JARID2: variants seen among roughly 807,000 people sequenced by gnomAD.
JARID2 encodes jumonji and AT-rich interaction domain containing 2.
A neutral mutation model predicts 125.6 loss-of-function variants in JARID2; 21 were observed. The ratio of observed to expected loss-of-function variants is 0.17; its 90% CI spans 0.12 to 0.24. The LOEUF (loss-of-function observed/expected upper bound fraction) is 0.24. Ranked by LOEUF, JARID2 falls within the 10% of genes least tolerant of loss-of-function variation. The pLI, the probability that JARID2 is intolerant of heterozygous loss-of-function variation, is 1.00. For missense variants in JARID2, 1,303 were observed against 1,639.6 expected (o/e 0.79, Z 3.55); for synonymous variants, 736 against 661.6 (o/e 1.11, Z -1.73).
intron 5 of JARID2, among the ~76,000 whole-genome samples, chr6:15,477,622 G>A (rs1165622418): frequency 6.6e-6 from 1 of 151,894 alleles, no homozygotes; most frequent in East Asian, 1.9e-4. Flanking sequence ...AGGCCGTTGG[G>A]TAGGATGGTT....
intron 1 of JARID2, among the ~76,000 whole-genome samples, chr6:15,336,560 CA>C (rs1436069049): frequency 6.6e-6 from 1 of 151,826 alleles, no homozygotes; most frequent in Non-Finnish European, 1.5e-5. Context: ...GAATGTTCCC[CA>C]ATGTTGAACA....
chr6:15,481,389 TTC>T (rs1237765114), intron 5 of JARID2, among the ~76,000 whole-genome samples: 3 of 152,222 alleles, frequency 2.0e-5, no homozygotes, highest in Non-Finnish European at 4.4e-5. Context: ...TGTGGAGGAC[TTC>T]TATACATTGA....
chr6:15,406,778 A>G (rs762330850), intron 2 of JARID2, among the ~76,000 whole-genome samples: 1 of 152,136 alleles, frequency 6.6e-6, no homozygotes, highest in Non-Finnish European at 1.5e-5. Context: ...TACTTAAGCA[A>G]TTGATTTGCA....
intron 5 of JARID2, among the ~76,000 whole-genome samples, chr6:15,483,124 C>T (rs181892356): frequency 6.6e-6 from 1 of 152,124 alleles, no homozygotes; most frequent in Admixed American, 6.5e-5. Flanking sequence ...GTAAAAACTA[C>T]AAATAACTAA....
chr6:15,264,085 A>G (rs1759989008), intron 1 of JARID2, among the ~76,000 whole-genome samples: 1 of 152,188 alleles, frequency 6.6e-6, no homozygotes, highest in African/African-American at 2.4e-5. Flanking sequence ...TAATTGTTAG[A>G]AAAACTGTAA....
chr6:15,359,726 T>A (rs561496813), intron 1 of JARID2, among the ~76,000 whole-genome samples: 1 of 151,664 alleles, frequency 6.6e-6, no homozygotes, highest in Non-Finnish European at 1.5e-5. Flanking sequence ...TTTTTTTTTT[T>A]ATTTGAGATG....
intron 1 of JARID2, among the ~76,000 whole-genome samples, chr6:15,372,529 T>C (rs1764209285): frequency 6.6e-6 from 1 of 151,740 alleles, no homozygotes; most frequent in African/African-American, 2.4e-5. Context: ...TCAGCTAATT[T>C]TTGTAGTTTT....
chr6:15,323,704 T>C (rs1397687197), intron 1 of JARID2, among the ~76,000 whole-genome samples: 1 of 152,086 alleles, frequency 6.6e-6, no homozygotes, highest in Non-Finnish European at 1.5e-5. Flanking sequence ...AGCAGGCAGA[T>C]CGCAACATGG....
At chr6:15,511,539 C>T in intron 13 of JARID2, 138 bp downstream of exon 13, 2 of 650,396 alleles carry the variant, frequency 3.1e-6, no homozygotes, top group South Asian at 3.5e-5. Flanking sequence ...GGGAAAGGTC[C>T]TCTGACACAA....
chr6:15,448,519 T>C (rs1767775333), intron 3 of JARID2, among the ~76,000 whole-genome samples: 1 of 152,226 alleles, frequency 6.6e-6, no homozygotes, highest in Non-Finnish European at 1.5e-5. Flanking sequence ...TTCTATAAAA[T>C]TCCTGCAATA....
intron 1 of JARID2, among the ~76,000 whole-genome samples, chr6:15,254,214 A>T (rs1759566660): frequency 6.6e-6 from 1 of 152,078 alleles, no homozygotes; most frequent in Non-Finnish European, 1.5e-5. Context: ...GTCCCTTGGG[A>T]CTGGATGGTT....
chr6:15,462,717 C>A lies in JARID2; in HGVS notation c.494-5825C>A, dbSNP rs140953024. On this transcript the variant is annotated intron_variant, in intron 4 of 17. Coordinates refer to ENST00000341776, the MANE Select transcript of JARID2 (RefSeq NM_004973.4). ...GCTAAATGACAGTGCACAGGGAATC[C>A]CTCTAGGGTCTTTCCAAAATACAGC... Among the ~76,000 whole-genome samples, 88 of 152,306 alleles carry A rather than the reference C, an allele frequency of 5.8e-4. 1 individual carries two copies. The East Asian group carries it at 0.016, about 27-fold the overall frequency.
At chr6:15,360,825 A>G (rs1287603536) in intron 1 of JARID2, among the ~76,000 whole-genome samples, 1 of 152,026 alleles carries the variant, frequency 6.6e-6, no homozygotes, top group Non-Finnish European at 1.5e-5. Flanking sequence ...TTTTTAAAGC[A>G]TTGTTTTCCC....
At chr6:15,494,840 A>T (rs1770333067) in intron 6 of JARID2, among the ~76,000 whole-genome samples, 1 of 152,122 alleles carries the variant, frequency 6.6e-6, no homozygotes, top group African/African-American at 2.4e-5. Context: ...TTGTGGTGGC[A>T]CTGGTGTTTC....
rs559117780 is a variant in JARID2, at chr6:15,416,292, C to T, written c.323+5927C>T. On this transcript the variant is annotated intron_variant, in intron 3 of 17. Transcript: ENST00000341776. ...CTCACTTCCCAGACGGGGTGGCGGC[C>T]GGGCAGAGGCTGCAATCTCGGCACT... is the stretch of plus-strand genomic sequence containing the variant. 7.9e-4 allele frequency among the ~76,000 whole-genome samples: 121 copies of T among 152,262 alleles called. 6 individuals are homozygous for T. In the South Asian group the frequency reaches 0.024, roughly 30 times the overall value.
intron 1 of JARID2, among the ~76,000 whole-genome samples, chr6:15,314,479 A>G (rs1288264768): frequency 1.3e-5 from 2 of 152,204 alleles, no homozygotes; most frequent in African/African-American, 4.8e-5. Context: ...GGCATTTTGA[A>G]AGTTGCTGTC....
At chr6:15,468,401 C>T (rs9396587) in intron 4 of JARID2, 141 bp from the exon 5 acceptor site, 406,790 of 627,840 alleles carry the variant, frequency 0.65, 132,474 homozygotes, top group East Asian at 0.74. Flanking sequence ...ATCTTGGGAG[C>T]ATTTGAAAAA....
chr6:15,448,945 C>T (rs959281825), intron 3 of JARID2, among the ~76,000 whole-genome samples: 4 of 151,750 alleles, frequency 2.6e-5, no homozygotes, highest in African/African-American at 7.3e-5. Flanking sequence ...GCTTTTTGCC[C>T]CCTTGTTCTA....
At chr6:15,379,327 C>G (rs551471531) in intron 2 of JARID2, among the ~76,000 whole-genome samples, 145 of 152,266 alleles carry the variant, frequency 9.5e-4, no homozygotes, top group South Asian at 2.5e-3. Flanking sequence ...CTTCTGTCTA[C>G]TTTTTGTTGT....
Sources: gnomAD v4.1 joint callset for allele counts (sites outside exome capture counted in the v4.1 genomes callset) on GRCh38, gnomAD v4.1.1 for gene constraint, MANE v1.5 for transcripts, NCBI Gene and HGNC (gene_info 2026-07-23, HGNC 2026-07-21) for gene names.